The following NR1I2 variants were observed in gnomAD, a reference collection of about 807,000 sequenced individuals.
NR1I2 encodes the protein orphan nuclear receptor PAR1.
In NR1I2, 42 loss-of-function variants were observed where a neutral mutation model predicts 43.3. That is an observed-to-expected ratio of 0.97 (90% CI 0.76 to 1.26). The LOEUF is 1.26. NR1I2 is among the 50% of genes most tolerant of loss of function. The pLI is 0.00. For synonymous variants in NR1I2, 229 were observed against 215.0 expected (o/e 1.06, Z -0.57); for missense variants, 559 against 566.7 (o/e 0.99, Z 0.14).
At chr3:119,813,862 G>C (rs996356924) in intron 5 of NR1I2, among the ~76,000 whole-genome samples, 3 of 152,150 alleles carry the variant, frequency 2.0e-5, no homozygotes, top group Admixed American at 1.3e-4. Flanking sequence ...TAACACCAGG[G>C]CTTCCCACTT....
intron 8 of NR1I2, 40 bp downstream of exon 8, chr3:119,815,871 G>T: frequency 6.6e-7 from 1 of 1,506,682 alleles, no homozygotes; most frequent in South Asian, 1.2e-5. Context: ...AGGGTGATGT[G>T]AGGGAGCCGA....
At chr3:119,810,316 A>C in intron 3 of NR1I2, 122 bp downstream of exon 3, 1 of 1,416,292 alleles carries the variant, frequency 7.1e-7, no homozygotes, top group Non-Finnish European at 9.4e-7. Flanking sequence ...ACACACGTGC[A>C]CATGTGAGCT....
At chr3:119,798,413 T>C (rs2055028450) in intron 1 of NR1I2, among the ~76,000 whole-genome samples, 1 of 152,184 alleles carries the variant, frequency 6.6e-6, no homozygotes, top group Non-Finnish European at 1.5e-5. Flanking sequence ...GAGAGATACC[T>C]TATGTATCAT....
chr3:119,786,217 G>T (rs2054841140), intron 1 of NR1I2, among the ~76,000 whole-genome samples: 1 of 152,146 alleles, frequency 6.6e-6, no homozygotes, highest in Non-Finnish European at 1.5e-5. Context: ...TCTTAGTGTG[G>T]TTGCCACGTT....
intron 1 of NR1I2, 24 bp from the exon 2 acceptor site, chr3:119,807,205 T>C: frequency 6.2e-7 from 1 of 1,603,034 alleles, no homozygotes; most frequent in Non-Finnish European, 8.5e-7. Flanking sequence ...GTCTTTTCAT[T>C]CTCTGTGGTT....
At chr3:119,805,841 A>T (rs1013478461) in intron 1 of NR1I2, among the ~76,000 whole-genome samples, 1 of 152,168 alleles carries the variant, frequency 6.6e-6, no homozygotes, top group African/African-American at 2.4e-5. Flanking sequence ...GTGAACACCT[A>T]AAGTATACAT....
At chr3:119,816,560 C>T (rs2055331736) in intron 8 of NR1I2, among the ~76,000 whole-genome samples, 1 of 152,176 alleles carries the variant, frequency 6.6e-6, no homozygotes, top group South Asian at 2.1e-4. Flanking sequence ...GTGGCTCACA[C>T]CTATAATCCC....
At chr3:119,785,468 CTT>C (rs1199172121) in intron 1 of NR1I2, among the ~76,000 whole-genome samples, 1 of 152,200 alleles carries the variant, frequency 6.6e-6, no homozygotes, top group Non-Finnish European at 1.5e-5. Context: ...TCAAAGGAGA[CTT>C]TTCTTTTTGC....
Position 119,815,251 on chromosome 3 carries a change from T to G in NR1I2, c.938-72T>G, listed in dbSNP as rs2055307130. 13 of 1,565,242 alleles carry G rather than the reference T, an allele frequency of 8.3e-6. No homozygotes were observed. In the South Asian group the frequency reaches 1.3e-4, roughly 16 times the overall value. On this transcript the variant is annotated intron_variant, in intron 6 of 8. Transcript: ENST00000393716. ...GAAGATGGAATGGTGGAAAACAAGA[T>G]ATTGGTGAGGGATGATTAGATCTTG...
intron 1 of NR1I2, among the ~76,000 whole-genome samples, chr3:119,783,808 C>T (rs1051303841): frequency 6.6e-6 from 1 of 152,178 alleles, no homozygotes; most frequent in African/African-American, 2.4e-5. Flanking sequence ...TTCATCTATG[C>T]ATAGATGGAC....
intron 2 of NR1I2, 128 bp from the exon 3 acceptor site, chr3:119,809,933 G>C (rs925813687): frequency 1.6e-6 from 2 of 1,232,032 alleles, no homozygotes; most frequent in African/African-American, 3.0e-5. Flanking sequence ...ACCCAGCTGG[G>C]ACGCAAAGGC....
chr3:119,804,442 ATTTT>A (rs758279497), intron 1 of NR1I2, among the ~76,000 whole-genome samples: 15 of 118,552 alleles, frequency 1.3e-4, no homozygotes, highest in African/African-American at 3.5e-4. Flanking sequence ...CATAGTTGGT[ATTTT>A]TTTTTTTTTT....
rs1391068641 is a variant in NR1I2, at chr3:119,818,298, T to A, written c.*1086T>A. Reference sequence around the variant, plus strand: ...CTTATATTTCTGTGTACACATCTATTCTCAAAGCTAAAGGGTATGAAAGTG... The same window carrying A: ...CTTATATTTCTGTGTACACATCTATACTCAAAGCTAAAGGGTATGAAAGTG... On this transcript the variant is annotated 3_prime_UTR_variant, in exon 9 of 9. Transcript: ENST00000393716. 1 of 985,376 alleles carries A rather than the reference T, an allele frequency of 1.0e-6. No homozygotes were observed. Among genetic ancestry groups the A allele is most frequent in the Non-Finnish European group, 1.2e-6 (1 of 829,936 alleles). The allele number at this position is 985,376 out of a possible 1,614,324, so 61.0% of individuals were successfully genotyped here.
At chr3:119,816,123 G>A (rs1353355720) in intron 8 of NR1I2, among the ~76,000 whole-genome samples, 2 of 152,150 alleles carry the variant, frequency 1.3e-5, no homozygotes, top group Non-Finnish European at 1.5e-5. Context: ...TGGATTTTAC[G>A]GAGCCCAAGG....
intron 1 of NR1I2, among the ~76,000 whole-genome samples, chr3:119,800,601 T>G (rs1238269925): frequency 6.6e-6 from 1 of 152,148 alleles, no homozygotes; most frequent in African/African-American, 2.4e-5. Context: ...TTTTTTCCCC[T>G]TTTTGTGGAG....
chr3:119,809,672 A>T (rs895512278), intron 2 of NR1I2, among the ~76,000 whole-genome samples: 3 of 152,146 alleles, frequency 2.0e-5, no homozygotes. Context: ...GCCCATCTCC[A>T]TGGAAACTTT....
chr3:119,812,207 C>T (rs1222011992), intron 4 of NR1I2, among the ~76,000 whole-genome samples: 1 of 152,146 alleles, frequency 6.6e-6, no homozygotes, highest in African/African-American at 2.4e-5. Flanking sequence ...GATCCCAGCA[C>T]ATTAACTATG....
chr3:119,808,497 G>A (rs935578577), intron 2 of NR1I2, among the ~76,000 whole-genome samples: 1 of 152,236 alleles, frequency 6.6e-6, no homozygotes, highest in African/African-American at 2.4e-5. Context: ...GTGTGGAAGA[G>A]GGTGGATGTC....
At chr3:119,808,085 G>A (rs946138282) in intron 2 of NR1I2, among the ~76,000 whole-genome samples, 4 of 152,224 alleles carry the variant, frequency 2.6e-5, no homozygotes, top group Non-Finnish European at 5.9e-5. Flanking sequence ...TAACAGGGGT[G>A]AGACACATCA....
Sources: gnomAD v4.1 joint callset for allele counts (sites outside exome capture counted in the v4.1 genomes callset) on GRCh38, gnomAD v4.1.1 for gene constraint, MANE v1.5 for transcripts, NCBI Gene and HGNC (gene_info 2026-07-23, HGNC 2026-07-21) for gene names.